Variants in LNX2 observed in about 807,000 individuals in gnomAD.
LNX2 encodes ligand of Numb protein X 2.
A neutral mutation model predicts 66.2 loss-of-function variants in LNX2; 35 were observed. The ratio of observed to expected loss-of-function variants is 0.53; its 90% CI spans 0.40 to 0.70. LNX2 has a LOEUF of 0.70. Ranked by LOEUF, LNX2 falls within the 30% of genes least tolerant of loss-of-function variation. LNX2 has a pLI of 0.00. For missense variants in LNX2, 791 were observed against 850.8 expected (o/e 0.93, Z 0.87); for synonymous variants, 337 against 315.6 (o/e 1.07, Z -0.72).
At chr13:27,583,237 TGTGTGTGTGTGTGTGTGTGC>T (rs1955435225) in intron 1 of LNX2, among the ~76,000 whole-genome samples, 3 of 17,158 alleles carry the variant, frequency 1.7e-4, no homozygotes, top group South Asian at 2.6e-3. Context: ...TGTGTGTGTG[TGTGTGTGTGTGTGTGTGTGC>T]GCGCGTCCTC....
At chr13:27,555,189 T>C (rs891381917) in intron 7 of LNX2, among the ~76,000 whole-genome samples, 15 of 152,190 alleles carry the variant, frequency 9.9e-5, no homozygotes, top group African/African-American at 3.6e-4. Context: ...GCTCAAGCGA[T>C]CCACCTGCCT....
At chr13:27,610,108 T>C (rs941083665) in intron 1 of LNX2, among the ~76,000 whole-genome samples, 12 of 152,334 alleles carry the variant, frequency 7.9e-5, no homozygotes, top group African/African-American at 2.4e-4. Flanking sequence ...AGCCTTCGCA[T>C]AGTGGTCTTA....
intron 7 of LNX2, 107 bp downstream of exon 7, chr13:27,556,129 T>A (rs1301981537): frequency 8.8e-7 from 1 of 1,132,640 alleles, no homozygotes; most frequent in Non-Finnish European, 1.2e-6. Flanking sequence ...TTAAAGAACT[T>A]AAAAAAGTCA....
chr13:27,583,998 G>A (rs1284615534), intron 1 of LNX2, among the ~76,000 whole-genome samples: 6 of 152,106 alleles, frequency 3.9e-5, no homozygotes, highest in Non-Finnish European at 8.8e-5. Flanking sequence ...GGCACCTTGG[G>A]TGAAAAAAAG....
chr13:27,578,578 C>A (rs1955365469), intron 2 of LNX2, among the ~76,000 whole-genome samples: 1 of 152,108 alleles, frequency 6.6e-6, no homozygotes, highest in African/African-American at 2.4e-5. Flanking sequence ...AGAAGGGATG[C>A]CAGGCAACTT....
At chr13:27,585,354 G>A (rs1053766452) in intron 1 of LNX2, among the ~76,000 whole-genome samples, 11 of 151,622 alleles carry the variant, frequency 7.3e-5, no homozygotes, top group Admixed American at 2.0e-4. Flanking sequence ...CCTGGGAGGC[G>A]GAGCTTGCAG....
intron 2 of LNX2, among the ~76,000 whole-genome samples, chr13:27,575,997 A>G (rs911513111): frequency 6.6e-5 from 10 of 152,246 alleles, no homozygotes; most frequent in African/African-American, 2.4e-4. Flanking sequence ...AATTACATTA[A>G]ATTACATGAA....
At chr13:27,586,779 A>T (rs1390992722) in intron 1 of LNX2, among the ~76,000 whole-genome samples, 1 of 152,248 alleles carries the variant, frequency 6.6e-6, no homozygotes, top group Non-Finnish European at 1.5e-5. Flanking sequence ...TTCTAACTGT[A>T]TAATCTATTT....
At chr13:27,571,937 C>G (rs527462612) in intron 2 of LNX2, among the ~76,000 whole-genome samples, 44 of 152,236 alleles carry the variant, frequency 2.9e-4, no homozygotes, top group Middle Eastern at 3.4e-3. Context: ...TCTGTTATCC[C>G]CATTTAAAAA....
rs1217546626 is a variant in LNX2, at chr13:27,548,184, A to G, written c.*151T>C. The G allele has an allele frequency of 1.1e-5, 7 of 627,808 alleles. No individual in the cohort carries two copies. Among genetic ancestry groups the G allele is most frequent in the Non-Finnish European group, 1.4e-5 (5 of 368,692 alleles). The allele number at this position is 627,808 out of a possible 1,614,324, so 38.9% of individuals were successfully genotyped here. ...GTAACTAACTTAGGAAACCATTTAA[A>G]TAAACATAAACGGACAATCTTAGTG... On this transcript the variant is annotated 3_prime_UTR_variant, in exon 10 of 10. Coordinates refer to ENST00000316334, the MANE Select transcript of LNX2 (RefSeq NM_153371.4).
chr13:27,561,751 C>T (rs1344789879), intron 5 of LNX2, among the ~76,000 whole-genome samples: 1 of 152,144 alleles, frequency 6.6e-6, no homozygotes, highest in Non-Finnish European at 1.5e-5. Flanking sequence ...TTTTGTTGCA[C>T]CCTTATCACT....
At position 27,606,397 on chromosome 13, in the gene LNX2, A is replaced by T. The variant is rs1420786909; in HGVS notation, c.-101+13978T>A. ...TATAGCGAAAAAAAAAAAAAGAGAG[A>T]AAAGCTCAAAAAAAAAAAAGGCTCA... On this transcript the variant is annotated intron_variant, in intron 1 of 9. Coordinates refer to ENST00000316334, the MANE Select transcript of LNX2 (RefSeq NM_153371.4). Among the ~76,000 whole-genome samples, 7 of 150,580 alleles carry T rather than the reference A, an allele frequency of 4.6e-5. 1 individual carries two copies. Among genetic ancestry groups the T allele is most frequent in the Non-Finnish European group, 1.0e-4 (7 of 67,664 alleles).
At chr13:27,548,861 T>C (rs1321267850) in intron 9 of LNX2, among the ~76,000 whole-genome samples, 1 of 152,196 alleles carries the variant, frequency 6.6e-6, no homozygotes, top group African/African-American at 2.4e-5. Flanking sequence ...CTGAATTAAA[T>C]TGGAAATAAG....
At chr13:27,600,627 G>C (rs1016984846) in intron 1 of LNX2, among the ~76,000 whole-genome samples, 2 of 152,164 alleles carry the variant, frequency 1.3e-5, no homozygotes, top group African/African-American at 2.4e-5. Flanking sequence ...AATAAGATAG[G>C]TGTTACTGAC....
rs1373523977 is a variant in LNX2 at position 27,600,470 on chromosome 13, G to T, written c.-100-18667C>A. 3.9e-5 allele frequency among the ~76,000 whole-genome samples: 6 copies of T among 151,980 alleles called. 1 individual carries two copies. Among genetic ancestry groups the T allele is most frequent in the Non-Finnish European group, 8.8e-5 (6 of 68,002 alleles). ...GCCACTATACATGCAAAATATATAT[G>T]GTACAGAAACATAACCGTAGAATTA... On this transcript the variant is annotated intron_variant, in intron 1 of 9. Transcript: ENST00000316334.
chr13:27,592,750 T>C (rs752131813), intron 1 of LNX2, among the ~76,000 whole-genome samples: 5 of 152,262 alleles, frequency 3.3e-5, no homozygotes, highest in African/African-American at 4.8e-5. Flanking sequence ...CCACTGTGAT[T>C]GGACGAAAAT....
chr13:27,551,442 G>A (rs1955006418), intron 8 of LNX2, among the ~76,000 whole-genome samples: 1 of 151,560 alleles, frequency 6.6e-6, no homozygotes, highest in Non-Finnish European at 1.5e-5. Context: ...ATGGATTTGG[G>A]AACAAGCAGT....
chr13:27,559,989 G>C lies in LNX2; in HGVS notation c.1225-4C>G, dbSNP rs1955111008. ...AATTCACTCTCTCTCCACTGGCCTGGAGAAAACACAAATACATTACCATAA... is the reference window on the plus strand; with the variant it reads ...AATTCACTCTCTCTCCACTGGCCTGCAGAAAACACAAATACATTACCATAA... On this transcript the variant is annotated splice_polypyrimidine_tract_variant and splice_region_variant and intron_variant, in intron 5 of 9. Transcript: ENST00000316334. The C allele has an allele frequency of 1.9e-6, 3 of 1,593,082 alleles. No homozygotes were observed. Among genetic ancestry groups the C allele is most frequent in the African/African-American group, 2.7e-5 (2 of 73,716 alleles).
At chr13:27,554,587 C>A (rs1214307623) in intron 7 of LNX2, among the ~76,000 whole-genome samples, 1 of 152,202 alleles carries the variant, frequency 6.6e-6, no homozygotes, top group East Asian at 1.9e-4. Flanking sequence ...ATGGCCAAAT[C>A]ATATTTTGCT....
Sources: gnomAD v4.1 joint callset for allele counts (sites outside exome capture counted in the v4.1 genomes callset) on GRCh38, gnomAD v4.1.1 for gene constraint, MANE v1.5 for transcripts, NCBI Gene and HGNC (gene_info 2026-07-23, HGNC 2026-07-21) for gene names.